The following BLTP1 variants were observed in gnomAD, a reference collection of about 807,000 sequenced individuals.
BLTP1 encodes bridge-like lipid transfer protein family member 1.
the BLTP1 span, chr4:122,184,883 T>C: frequency 2.0e-6 from 2 of 984,624 alleles, no homozygotes; most frequent in South Asian, 4.7e-5. Context: ...TGGAATACTT[T>C]TTCCAGACAT....
chr4:122,294,712 C>A, the BLTP1 span, among the ~76,000 whole-genome samples: 4 of 152,272 alleles, frequency 2.6e-5, no homozygotes, highest in South Asian at 8.3e-4. Context: ...CTGTTCTCTC[C>A]CAGATGACTG....
the BLTP1 span, among the ~76,000 whole-genome samples, chr4:122,163,615 A>G: frequency 2.0e-5 from 3 of 152,212 alleles, no homozygotes; most frequent in East Asian, 5.8e-4. Context: ...GATGTGCCAG[A>G]AGTTCTAAAT....
the BLTP1 span, among the ~76,000 whole-genome samples, chr4:122,252,101 A>G: frequency 6.6e-6 from 1 of 152,212 alleles, no homozygotes; most frequent in Non-Finnish European, 1.5e-5. Context: ...GGCAGGATCA[A>G]TCACCTGCTG....
the BLTP1 span, among the ~76,000 whole-genome samples, chr4:122,213,538 CGA>C: frequency 6.6e-6 from 1 of 151,072 alleles, no homozygotes; most frequent in Non-Finnish European, 1.5e-5. Context: ...TTCATGTAAC[CGA>C]GATTGTCTTT....
chr4:122,338,570 T>TA, the BLTP1 span, among the ~76,000 whole-genome samples: 1 of 152,094 alleles, frequency 6.6e-6, no homozygotes, highest in Non-Finnish European at 1.5e-5. Flanking sequence ...ACTATCTAAA[T>TA]ATCTAAATAC....
chr4:122,274,191 A>T, the BLTP1 span: 12 of 559,702 alleles, frequency 2.1e-5, no homozygotes, highest in Middle Eastern at 5.1e-4. Context: ...GAAATTTTTT[A>T]AAAAGTAGCT....
At chr4:122,295,950 T>C in the BLTP1 span, among the ~76,000 whole-genome samples, 1 of 152,114 alleles carries the variant, frequency 6.6e-6, no homozygotes, top group Admixed American at 6.6e-5. Context: ...TAATAAGATA[T>C]ATATGACAAA....
the BLTP1 span, chr4:122,280,071 A>G: frequency 1.3e-6 from 2 of 1,590,098 alleles, no homozygotes; most frequent in Non-Finnish European, 1.7e-6. Flanking sequence ...GAGGGAGATG[A>G]AGGGTTACTT....
the BLTP1 span, chr4:122,336,062 A>T: frequency 7.9e-6 from 5 of 630,784 alleles, no homozygotes; most frequent in Non-Finnish European, 1.3e-5. Flanking sequence ...TCAACCTGCT[A>T]CTTTTATTAT....
the BLTP1 span, chr4:122,288,999 T>G: frequency 7.3e-6 from 10 of 1,368,438 alleles, no homozygotes; most frequent in Admixed American, 2.9e-4. Flanking sequence ...TAATTATCTC[T>G]TTTTTCCTCA....
chr4:122,226,545 G>A, the BLTP1 span: 26 of 1,462,052 alleles, frequency 1.8e-5, no homozygotes, highest in East Asian at 2.6e-5. Flanking sequence ...GATATTAAAG[G>A]TAGAAAAAAA....
At chr4:122,191,241 A>G in the BLTP1 span, among the ~76,000 whole-genome samples, 1 of 152,116 alleles carries the variant, frequency 6.6e-6, no homozygotes, top group African/African-American at 2.4e-5. Context: ...AAGCACTTGT[A>G]TGATTAAGTT....
chr4:122,223,505 G>A, the BLTP1 span, among the ~76,000 whole-genome samples: 1 of 152,126 alleles, frequency 6.6e-6, no homozygotes, highest in African/African-American at 2.4e-5. Flanking sequence ...GGCAGAAATG[G>A]TTATTAATGA....
the BLTP1 span, chr4:122,328,867 G>A: frequency 1.7e-6 from 1 of 592,418 alleles, no homozygotes; most frequent in Non-Finnish European, 2.1e-6. Flanking sequence ...GGAGCGGCAA[G>A]GATCTTTGGA....
chr4:122,267,049 TA>T, the BLTP1 span: 2 of 405,084 alleles, frequency 4.9e-6, no homozygotes, highest in Non-Finnish European at 8.3e-6. Context: ...AATAAGGAAG[TA>T]ATTTTTTTTT....
chr4:122,334,527 C>T, the BLTP1 span: 4 of 1,612,548 alleles, frequency 2.5e-6, no homozygotes, highest in South Asian at 4.4e-5. Context: ...TCCTCCCCAG[C>T]CCCCACCTAT....
At chr4:122,196,740 A>G in the BLTP1 span, 1 of 1,610,186 alleles carries the variant, frequency 6.2e-7, no homozygotes, top group Non-Finnish European at 8.5e-7. Context: ...TTGAATTACG[A>G]ATGAATATTA....
chr4:122,175,724 C>T, the BLTP1 span: 2 of 626,614 alleles, frequency 3.2e-6, no homozygotes, highest in South Asian at 2.1e-5. Flanking sequence ...TTATGTATGC[C>T]AATGTTCTTT....
At chr4:122,209,824 T>A in the BLTP1 span, 83 of 1,613,134 alleles carry the variant, frequency 5.1e-5, no homozygotes, top group Non-Finnish European at 5.8e-5. Context: ...AAAGGTCTGG[T>A]TGGGTTGAAT....
Sources: allele counts gnomAD v4.1 joint callset (sites outside exome capture counted in the v4.1 genomes callset), GRCh38; gene constraint gnomAD v4.1.1; transcripts MANE v1.5; gene names NCBI Gene and HGNC (gene_info 2026-07-23, HGNC 2026-07-21).